The following CDHR3 variants were observed in gnomAD, a reference collection of about 807,000 sequenced individuals.
CDHR3 encodes cadherin-related family member 3.
In CDHR3, 79 loss-of-function variants were observed where a neutral mutation model predicts 86.6. The ratio of observed to expected loss-of-function variants is 0.91; its 90% CI spans 0.76 to 1.10. The LOEUF (loss-of-function observed/expected upper bound fraction) is 1.10, where lower values mean the gene tolerates loss of function less well. Among genes scored for constraint, CDHR3 ranks in the 50% least tolerant of loss-of-function variants. The pLI is 0.00. For synonymous variants in CDHR3, 421 were observed against 402.4 expected, an observed-to-expected ratio of 1.05 and a Z score of -0.55; for missense variants, 1,081 against 1,077.6, an observed-to-expected ratio of 1.00 and a Z score of -0.04.
chr7:105,986,448 C>CT (rs1830542607), intron 4 of CDHR3, among the ~76,000 whole-genome samples: 1 of 152,182 alleles, frequency 6.6e-6, no homozygotes, highest in Admixed American at 6.5e-5. Flanking sequence ...GAAGGAACAG[C>CT]TTTTCCTCAC....
intron 10 of CDHR3, 55 bp from the exon 11 acceptor site, chr7:106,015,872 A>T: frequency 8.0e-7 from 1 of 1,256,702 alleles, no homozygotes; most frequent in African/African-American, 1.5e-5. Context: ...ATGTTGAATA[A>T]ACAAATGGAT....
chr7:105,975,114 G>A, intron 2 of CDHR3, 68 bp downstream of exon 2: 1 of 1,281,776 alleles, frequency 7.8e-7, no homozygotes, highest in Non-Finnish European at 1.1e-6. Flanking sequence ...GGGTGGATGG[G>A]ATGCCAGATC....
chr7:105,966,949 T>C (rs1827032859), intron 1 of CDHR3, among the ~76,000 whole-genome samples: 1 of 87,526 alleles, frequency 1.1e-5, no homozygotes, highest in Non-Finnish European at 2.8e-5. Flanking sequence ...AAAACCACAA[T>C]TACTTTTTTT....
chr7:105,963,501 A>AGGTGATGCC, intron 1 of CDHR3, 137 bp downstream of exon 1: 1 of 881,886 alleles, frequency 1.1e-6, no homozygotes, highest in Non-Finnish European at 1.9e-6. Context: ...GTAATGAATG[A>AGGTGATGCC]GGTGATGCCG....
rs759885731 is a variant in CDHR3, at chr7:106,017,924, G to A, written c.1505G>A (p.Gly502Glu). ...AGCCTCCTGTACTCCATCTCCACTGGAGGGGCCAGCCTCCAGTATCCAAAT... is the reference window on the plus strand; with the variant it reads ...AGCCTCCTGTACTCCATCTCCACTGAAGGGGCCAGCCTCCAGTATCCAAAT... ...QSSLLYSIST[G>E]GASLQYPNVF... Residue 502 changes from glycine (G) to glutamate (E), a missense_variant, in exon 12 of 19, where the codon GGA becomes GAA. Transcript: ENST00000317716. The A allele has an allele frequency of 6.2e-7, 1 of 1,611,514 alleles. No homozygotes were observed. Among genetic ancestry groups the A allele is most frequent in the Non-Finnish European group, 8.5e-7 (1 of 1,178,856 alleles).
chr7:106,020,541 C>G lies in CDHR3; in HGVS notation c.1822C>G (p.Pro608Ala), dbSNP rs773363986. 6.2e-7 allele frequency: 1 copy of G among 1,612,992 alleles called. No homozygotes were observed. The highest frequency in any genetic ancestry group is 1.3e-5 in the African/African-American group (1 of 74,994). The change falls in exon 13 of 19, where the codon CCA becomes GCA. Residue 608 changes from proline (P) to alanine (A), a missense_variant. Physicochemically the swap from Pro to Ala is conservative, Grantham distance 27. Coordinates refer to ENST00000317716, the MANE Select transcript of CDHR3 (RefSeq NM_152750.5). ...CAGATCTTTCCGTTATTCCATTGGC[C>G]CAGGTATAGTACTTGGTGTCGACAA... ...SPRSFRYSIG[P>A]GNVNNHFTFS...
intron 8 of CDHR3, among the ~76,000 whole-genome samples, chr7:106,006,766 A>G (rs116587528): frequency 0.021 from 3,134 of 152,234 alleles, 109 homozygotes; most frequent in African/African-American, 0.07. Flanking sequence ...TTCCAGGTGC[A>G]TGGTGCTAGC....
chr7:105,994,647 G>A (rs1455451922), intron 4 of CDHR3, 104 bp from the exon 5 acceptor site: 19 of 808,420 alleles, frequency 2.4e-5, no homozygotes, highest in Admixed American at 2.0e-5. Context: ...CATCGAGAAC[G>A]TTCCATGGGC....
At chr7:105,984,838 G>A (rs1830286614) in intron 4 of CDHR3, among the ~76,000 whole-genome samples, 1 of 152,094 alleles carries the variant, frequency 6.6e-6, no homozygotes, top group African/African-American at 2.4e-5. Context: ...ATAGGAGGAT[G>A]GCTTGAACCC....
At chr7:106,031,743 AG>A (rs1009538377) in intron 18 of CDHR3, among the ~76,000 whole-genome samples, 1 of 152,080 alleles carries the variant, frequency 6.6e-6, no homozygotes, top group African/African-American at 2.4e-5. Context: ...CCAGAGCAAA[AG>A]GCTCTTCCAG....
chr7:105,977,031 G>A (rs1828937932), intron 2 of CDHR3, among the ~76,000 whole-genome samples: 2 of 145,456 alleles, frequency 1.4e-5, no homozygotes, highest in African/African-American at 5.1e-5. Flanking sequence ...TGCCCAGGCT[G>A]CACTTGCATT....
At chr7:106,022,128 T>C (rs1296623622) in intron 13 of CDHR3, 70 bp from the exon 14 acceptor site, 2 of 1,569,554 alleles carry the variant, frequency 1.3e-6, no homozygotes, top group Admixed American at 3.6e-5. Flanking sequence ...AATGCAGTTT[T>C]CTTCTAAACC....
intron 4 of CDHR3, among the ~76,000 whole-genome samples, chr7:105,988,428 G>A (rs575091995): frequency 5.3e-5 from 8 of 152,186 alleles, no homozygotes; most frequent in African/African-American, 1.9e-4. Flanking sequence ...GGCTTGGTTT[G>A]TGTCTGTCAT....
At position 106,030,335 on chromosome 7, in the gene CDHR3, G is replaced by A. The variant is rs1206149400; in HGVS notation, c.2305-457G>A. Among the ~76,000 whole-genome samples the A allele has an allele frequency of 6.6e-6, 1 of 152,202 alleles. No homozygotes were observed. Among genetic ancestry groups the A allele is most frequent in the Non-Finnish European group, 1.5e-5 (1 of 68,030 alleles). Reference sequence around the variant, plus strand: ...CCGCAGGGGAGGGCCAGAGTGCCAGGGCCAGAGGTACGGACACCTGGGAGC... The same window carrying A: ...CCGCAGGGGAGGGCCAGAGTGCCAGAGCCAGAGGTACGGACACCTGGGAGC... On this transcript the variant is annotated intron_variant, in intron 17 of 18. Coordinates refer to ENST00000317716, the MANE Select transcript of CDHR3 (RefSeq NM_152750.5). The surrounding 1 kb of genome is among the most constrained non-coding windows in gnomAD (Gnocchi z 4.8).
chr7:105,968,560 C>T (rs1827352591), intron 1 of CDHR3, among the ~76,000 whole-genome samples: 1 of 152,124 alleles, frequency 6.6e-6, no homozygotes, highest in South Asian at 2.1e-4. Flanking sequence ...GGGGTTTCAC[C>T]ATGTCGGCCA....
intron 4 of CDHR3, among the ~76,000 whole-genome samples, chr7:105,990,129 C>A (rs537664052): frequency 1.2e-4 from 18 of 152,270 alleles, no homozygotes; most frequent in Admixed American, 2.0e-4. Flanking sequence ...TTAGCAAAGC[C>A]TGAATCTTGC....
intron 6 of CDHR3, among the ~76,000 whole-genome samples, chr7:105,997,758 G>C (rs1446135146): frequency 6.6e-6 from 1 of 152,008 alleles, no homozygotes; most frequent in African/African-American, 2.4e-5. Context: ...AAACCATCTG[G>C]TTTGGATCAC....
At chr7:106,019,393 T>G (rs1836192924) in intron 12 of CDHR3, among the ~76,000 whole-genome samples, 1 of 151,998 alleles carries the variant, frequency 6.6e-6, no homozygotes, top group Non-Finnish European at 1.5e-5. Context: ...AGGCTGTTTT[T>G]TTTTTTTTTT....
chr7:105,996,576 C>G (rs1184952143), intron 6 of CDHR3, among the ~76,000 whole-genome samples: 1 of 152,138 alleles, frequency 6.6e-6, no homozygotes, highest in African/African-American at 2.4e-5. Context: ...TTCACATGCA[C>G]CATGGGATTT....
Sources: allele counts gnomAD v4.1 joint callset (sites outside exome capture counted in the v4.1 genomes callset), GRCh38; gene constraint gnomAD v4.1.1; non-coding constraint Gnocchi (gnomAD v3.1); transcripts MANE v1.5; gene names NCBI Gene and HGNC (gene_info 2026-07-23, HGNC 2026-07-21).